The following C10orf90 variants were observed in gnomAD, a reference collection of about 807,000 sequenced individuals.
The protein encoded by C10orf90 is (E2-independent) E3 ubiquitin-conjugating enzyme FATS.
C10orf90 carries 56 observed loss-of-function variants against 62.5 expected under a neutral mutation model. The observed-to-expected ratio is 0.90, with a 90% CI of 0.72 to 1.12. The LOEUF (loss-of-function observed/expected upper bound fraction) is 1.12. C10orf90 is among the 50% of genes most tolerant of loss of function. C10orf90 has a pLI of 0.00. For synonymous variants in C10orf90, 386 were observed against 340.4 expected (o/e 1.13, Z -1.47); for missense variants, 970 against 880.4 (o/e 1.10, Z -1.29).
chr10:126,429,211 G>A (rs966408071), intron 8 of C10orf90, among the ~76,000 whole-genome samples: 38 of 152,086 alleles, frequency 2.5e-4, no homozygotes, highest in Admixed American at 1.9e-3. Flanking sequence ...AGATTGGTGA[G>A]AATTAGTGGG....
At chr10:126,522,455 T>C (rs1036829567) in intron 2 of C10orf90, among the ~76,000 whole-genome samples, 10 of 152,226 alleles carry the variant, frequency 6.6e-5, no homozygotes, top group Non-Finnish European at 1.5e-4. Context: ...CCTCAGTCAT[T>C]ACATAAATGC....
intron 7 of C10orf90, among the ~76,000 whole-genome samples, chr10:126,442,177 G>A (rs1488926383): frequency 6.6e-6 from 1 of 151,554 alleles, no homozygotes; most frequent in Non-Finnish European, 1.5e-5. Context: ...AAGACATAAG[G>A]ACTCACATAA....
chr10:126,479,983 T>C (rs1209473271), intron 4 of C10orf90, among the ~76,000 whole-genome samples: 1 of 152,224 alleles, frequency 6.6e-6, no homozygotes, highest in Non-Finnish European at 1.5e-5. Context: ...CCTTGAAAAA[T>C]ATATCCCATC....
chr10:126,601,644 A>G (rs1845199771), intron 2 of C10orf90, among the ~76,000 whole-genome samples: 1 of 152,246 alleles, frequency 6.6e-6, no homozygotes, highest in Admixed American at 6.5e-5. Flanking sequence ...AATAGTATAA[A>G]GTGATTTTTC....
intron 2 of C10orf90, among the ~76,000 whole-genome samples, chr10:126,594,529 GC>G (rs1845045933): frequency 6.6e-6 from 1 of 152,134 alleles, no homozygotes; most frequent in African/African-American, 2.4e-5. Context: ...GGGTGAACCA[GC>G]CCGTGAGGCA....
At chr10:126,581,972 T>C (rs1303744526) in intron 2 of C10orf90, among the ~76,000 whole-genome samples, 1 of 152,116 alleles carries the variant, frequency 6.6e-6, no homozygotes. Context: ...TGACAATTTC[T>C]GATGCTAGCA....
chr10:126,439,040 C>T (rs1017167197), intron 7 of C10orf90, among the ~76,000 whole-genome samples: 4 of 152,104 alleles, frequency 2.6e-5, no homozygotes, highest in East Asian at 1.9e-4. Context: ...ACCATGAATG[C>T]GCCTATCAGC....
chr10:126,532,794 G>A (rs1291516467), intron 2 of C10orf90, among the ~76,000 whole-genome samples: 2 of 102,632 alleles, frequency 1.9e-5, no homozygotes, highest in African/African-American at 8.2e-5. Flanking sequence ...CCGAGATCGC[G>A]CCACTGCACT....
At chr10:126,532,862 G>GAAAAA (rs1564860259) in intron 2 of C10orf90, among the ~76,000 whole-genome samples, 1 of 22,142 alleles carries the variant, frequency 4.5e-5, no homozygotes, top group African/African-American at 9.9e-5. Flanking sequence ...AAAAAATAGT[G>GAAAAA]AGCACAAAAC....
At chr10:126,498,851 T>C (rs1862223937) in intron 4 of C10orf90, among the ~76,000 whole-genome samples, 1 of 152,210 alleles carries the variant, frequency 6.6e-6, no homozygotes, top group Non-Finnish European at 1.5e-5. Flanking sequence ...TGCTTATGAC[T>C]GCACCGCAGA....
intron 1 of C10orf90, among the ~76,000 whole-genome samples, chr10:126,663,865 T>G (rs1846568920): frequency 6.6e-6 from 1 of 152,182 alleles, no homozygotes; most frequent in African/African-American, 2.4e-5. Context: ...GTTCTAAGGA[T>G]TCTAAAGTAC....
At chr10:126,551,250 T>C (rs974461606) in intron 2 of C10orf90, among the ~76,000 whole-genome samples, 4 of 152,242 alleles carry the variant, frequency 2.6e-5, no homozygotes, top group African/African-American at 7.2e-5. Context: ...TTTGCTATAA[T>C]GCACTGGCAA....
At chr10:126,631,432 C>G (rs142216921) in intron 2 of C10orf90, among the ~76,000 whole-genome samples, 6 of 152,278 alleles carry the variant, frequency 3.9e-5, no homozygotes, top group African/African-American at 1.2e-4. Flanking sequence ...TGGCAAACTC[C>G]TATTCAACCC....
At chr10:126,428,072 C>T (rs1203328370) in intron 8 of C10orf90, among the ~76,000 whole-genome samples, 1 of 152,044 alleles carries the variant, frequency 6.6e-6, no homozygotes, top group Non-Finnish European at 1.5e-5. Flanking sequence ...TCAAAACCGA[C>T]AAAGAAAATA....
chr10:126,654,689 G>A (rs142652237), intron 1 of C10orf90, among the ~76,000 whole-genome samples: 163 of 152,268 alleles, frequency 1.1e-3, no homozygotes, highest in African/African-American at 3.9e-3. Flanking sequence ...TACAACAGGC[G>A]CAGCTTTCAG....
intron 2 of C10orf90, among the ~76,000 whole-genome samples, chr10:126,535,551 A>G (rs1057142592): frequency 2.0e-5 from 3 of 152,094 alleles, no homozygotes; most frequent in Non-Finnish European, 4.4e-5. Context: ...CTGTCCGACA[A>G]GTTAATGAGT....
chr10:126,669,781 G>C (rs891409287), intron 1 of C10orf90, among the ~76,000 whole-genome samples: 1 of 151,296 alleles, frequency 6.6e-6, no homozygotes. Flanking sequence ...ATTCTTACTG[G>C]CCTAACTTGA....
intron 4 of C10orf90, among the ~76,000 whole-genome samples, chr10:126,479,850 C>T (rs1260524024): frequency 2.0e-5 from 3 of 152,168 alleles, no homozygotes; most frequent in Non-Finnish European, 4.4e-5. Flanking sequence ...CCAAGACATC[C>T]AGTTCCTTCT....
chr10:126,440,620 A>C (rs1338620146), intron 7 of C10orf90, among the ~76,000 whole-genome samples: 1 of 152,086 alleles, frequency 6.6e-6, no homozygotes, highest in Non-Finnish European at 1.5e-5. Flanking sequence ...AAAGCTAAGA[A>C]CGCTCACAGA....
Sources: gnomAD v4.1 joint callset for allele counts (sites outside exome capture counted in the v4.1 genomes callset) on GRCh38, gnomAD v4.1.1 for gene constraint, MANE v1.5 for transcripts, NCBI Gene and HGNC (gene_info 2026-07-23, HGNC 2026-07-21) for gene names.